ARHGAP24: variants seen among roughly 807,000 people sequenced by gnomAD.
ARHGAP24 encodes the protein Rho GTPase activating protein 24, also known as rho GTPase-activating protein 24.
A neutral mutation model predicts 76.4 loss-of-function variants in ARHGAP24; 50 were observed. The observed-to-expected ratio is 0.65, with a 90% CI of 0.52 to 0.83. The LOEUF (loss-of-function observed/expected upper bound fraction) is 0.83, where lower values mean the gene tolerates loss of function less well. Ranked by LOEUF, ARHGAP24 falls within the 40% of genes least tolerant of loss-of-function variation. The probability of loss-of-function intolerance (pLI) is 0.00; values close to 1 mark genes in which losing one functional copy is unlikely to be tolerated. For missense variants in ARHGAP24, 930 were observed against 914.2 expected (o/e 1.02, Z -0.22); for synonymous variants, 345 against 323.3 (o/e 1.07, Z -0.72).
intron 1 of ARHGAP24, among the ~76,000 whole-genome samples, chr4:85,519,873 G>A (rs147953762): frequency 1.3e-4 from 20 of 152,154 alleles, no homozygotes; most frequent in Non-Finnish European, 2.6e-4. Flanking sequence ...AGGCTGTCCC[G>A]ACTGTGGTGT....
At chr4:85,579,637 A>G (rs893529787) in intron 2 of ARHGAP24, among the ~76,000 whole-genome samples, 8 of 152,086 alleles carry the variant, frequency 5.3e-5, no homozygotes, top group Admixed American at 5.2e-4. Flanking sequence ...AAACTATGAA[A>G]TTACAATTTT....
At chr4:85,799,312 GA>G (rs559380731) in intron 3 of ARHGAP24, among the ~76,000 whole-genome samples, 1 of 147,744 alleles carries the variant, frequency 6.8e-6, no homozygotes, top group African/African-American at 2.5e-5. Context: ...GATTTGCTAA[GA>G]AAAAAAAACA....
chr4:85,879,893 A>G (rs1485619230), intron 3 of ARHGAP24, among the ~76,000 whole-genome samples: 1 of 152,030 alleles, frequency 6.6e-6, no homozygotes, highest in Non-Finnish European at 1.5e-5. Context: ...CTTCCGAGGC[A>G]TTAGATTCTC....
At chr4:85,641,020 T>TCTTAAGTTATTAAAGAAATA (rs1560565317) in intron 2 of ARHGAP24, among the ~76,000 whole-genome samples, 11 of 152,014 alleles carry the variant, frequency 7.2e-5, no homozygotes, top group Non-Finnish European at 1.3e-4. Context: ...AAAAGAAATT[T>TCTTAAGTTATTAAAGAAATA]ACTTAAGTTA....
intron 3 of ARHGAP24, chr4:85,779,098 C>T (rs2110082857): frequency 1.6e-6 from 1 of 636,778 alleles, no homozygotes; most frequent in South Asian, 7.0e-5. Context: ...AATATTTTAG[C>T]TTTTTAACTG....
At chr4:85,750,321 T>C (rs1726208809) in intron 3 of ARHGAP24, among the ~76,000 whole-genome samples, 1 of 151,880 alleles carries the variant, frequency 6.6e-6, no homozygotes. Flanking sequence ...TATGGTTCTA[T>C]AGCCAGGACA....
chr4:85,883,602 A>G (rs1250404917), intron 3 of ARHGAP24, among the ~76,000 whole-genome samples: 2 of 152,182 alleles, frequency 1.3e-5, no homozygotes, highest in African/African-American at 4.8e-5. Context: ...CATTACATAA[A>G]CAAAGAGGGC....
chr4:85,808,055 T>C (rs1728866396), intron 3 of ARHGAP24, among the ~76,000 whole-genome samples: 1 of 152,230 alleles, frequency 6.6e-6, no homozygotes, highest in Non-Finnish European at 1.5e-5. Context: ...ATTTGCTTGC[T>C]CTGACAGTTT....
At chr4:85,949,756 CT>C (rs1737497732) in intron 5 of ARHGAP24, among the ~76,000 whole-genome samples, 1 of 152,158 alleles carries the variant, frequency 6.6e-6, no homozygotes, top group African/African-American at 2.4e-5. Flanking sequence ...GACTCTACTT[CT>C]TGATAGAAGT....
At chr4:85,987,534 A>C (rs1194201733) in intron 8 of ARHGAP24, among the ~76,000 whole-genome samples, 2 of 152,090 alleles carry the variant, frequency 1.3e-5, no homozygotes. Context: ...CTGATAGCAG[A>C]CAAGGATATT....
intron 1 of ARHGAP24, among the ~76,000 whole-genome samples, chr4:85,555,572 T>A (rs1462440729): frequency 6.6e-6 from 1 of 152,230 alleles, no homozygotes; most frequent in East Asian, 1.9e-4. Context: ...GAGTGTGGAA[T>A]CCTCTCCCAC....
intron 1 of ARHGAP24, among the ~76,000 whole-genome samples, chr4:85,550,449 C>T (rs1726087181): frequency 6.6e-6 from 1 of 152,110 alleles, no homozygotes; most frequent in African/African-American, 2.4e-5. Context: ...TTACTGTAGG[C>T]TTGTAGTATA....
intron 3 of ARHGAP24, among the ~76,000 whole-genome samples, chr4:85,912,562 AT>A (rs1735149917): frequency 6.6e-6 from 1 of 152,144 alleles, no homozygotes; most frequent in African/African-American, 2.4e-5. Flanking sequence ...CTATCATAGT[AT>A]TTTATTTCAA....
intron 1 of ARHGAP24, among the ~76,000 whole-genome samples, chr4:85,502,513 G>A (rs1011421163): frequency 1.3e-5 from 2 of 152,002 alleles, no homozygotes; most frequent in Non-Finnish European, 2.9e-5. Flanking sequence ...CTCATGATTT[G>A]GCTCTCTGTC....
intron 1 of ARHGAP24, among the ~76,000 whole-genome samples, chr4:85,505,935 T>C (rs1398432725): frequency 6.6e-6 from 1 of 152,100 alleles, no homozygotes; most frequent in African/African-American, 2.4e-5. Context: ...TTGATGTTGA[T>C]GCTATTCCTT....
intron 3 of ARHGAP24, among the ~76,000 whole-genome samples, chr4:85,848,511 A>T (rs1392533972): frequency 1.3e-5 from 2 of 151,658 alleles, no homozygotes; most frequent in African/African-American, 4.9e-5. Flanking sequence ...AAGGATATGA[A>T]CTCATTCTTT....
intron 3 of ARHGAP24, among the ~76,000 whole-genome samples, chr4:85,864,024 G>A (rs894252759): frequency 1.3e-5 from 2 of 151,944 alleles, no homozygotes. Flanking sequence ...AAGACTGGTC[G>A]TCCCATCTTA....
intron 3 of ARHGAP24, among the ~76,000 whole-genome samples, chr4:85,791,632 C>T (rs1195606850): frequency 1.3e-5 from 2 of 152,130 alleles, no homozygotes; most frequent in Non-Finnish European, 2.9e-5. Flanking sequence ...TGATTGGGGT[C>T]ATCGTGTGCC....
At chr4:85,972,331 A>G (rs1215702518) in intron 6 of ARHGAP24, 163 bp downstream of exon 6, 4 of 838,176 alleles carry the variant, frequency 4.8e-6, no homozygotes, top group Non-Finnish European at 7.4e-6. Context: ...CAGCTCAAGC[A>G]CCATTTCCGA....
Sources: gnomAD v4.1 joint callset for allele counts (sites outside exome capture counted in the v4.1 genomes callset) on GRCh38, gnomAD v4.1.1 for gene constraint, MANE v1.5 for transcripts, NCBI Gene and HGNC (gene_info 2026-07-23, HGNC 2026-07-21) for gene names.